The following EDEM3 variants were observed in gnomAD, a reference collection of about 807,000 sequenced individuals.
The protein encoded by EDEM3 is ER degradation-enhancing alpha-mannosidase-like protein 3.
EDEM3 carries 60 observed loss-of-function variants against 110.2 expected under a neutral mutation model. The observed-to-expected ratio is 0.54, with a 90% CI of 0.44 to 0.67. The LOEUF is 0.67. EDEM3 is among the 30% of genes least tolerant of loss of function. The pLI is 0.00. For synonymous variants in EDEM3, 352 were observed against 382.9 expected (o/e 0.92, Z 0.94); for missense variants, 996 against 1,121.0 (o/e 0.89, Z 1.59).
At chr1:184,702,385 G>A (rs1028780611) in intron 19 of EDEM3, among the ~76,000 whole-genome samples, 4 of 152,014 alleles carry the variant, frequency 2.6e-5, no homozygotes, top group African/African-American at 9.7e-5. Context: ...TTGATTATAG[G>A]TGGCCTGTTG....
At chr1:184,751,389 T>A (rs755506115) in intron 1 of EDEM3, among the ~76,000 whole-genome samples, 10 of 152,112 alleles carry the variant, frequency 6.6e-5, no homozygotes, top group Admixed American at 2.0e-4. Context: ...TAGACATGTA[T>A]ATTACAAATG....
Position 184,711,881 on chromosome 1 carries a change from C to T in EDEM3, c.1537-4G>A, listed in dbSNP as rs376567101. On this transcript the variant is annotated splice_polypyrimidine_tract_variant and splice_region_variant and intron_variant, in intron 14 of 19. Coordinates refer to ENST00000318130, the MANE Select transcript of EDEM3 (RefSeq NM_025191.4). Reference sequence around the variant, plus strand: ...CCAGTTCTGTATATTCCGAGGTCTACAAGAGAAAAACATTTTATGTAAACA... The same window carrying T: ...CCAGTTCTGTATATTCCGAGGTCTATAAGAGAAAAACATTTTATGTAAACA... The T allele has an allele frequency of 1.6e-5, 25 of 1,576,896 alleles. No homozygotes were observed. The highest frequency in any genetic ancestry group is 4.8e-5 in the South Asian group (4 of 83,814).
intron 4 of EDEM3, among the ~76,000 whole-genome samples, chr1:184,735,811 A>G (rs1018039547): frequency 6.6e-6 from 1 of 152,164 alleles, no homozygotes; most frequent in African/African-American, 2.4e-5. Context: ...CTGTTCCACT[A>G]TCCCCACCCT....
chr1:184,749,478 C>T, intron 2 of EDEM3, 69 bp downstream of exon 2: 1 of 1,208,528 alleles, frequency 8.3e-7, no homozygotes, highest in Non-Finnish European at 1.2e-6. Context: ...TTTCAAAATT[C>T]CCAGTTGACT....
intron 16 of EDEM3, among the ~76,000 whole-genome samples, 169 bp from the exon 17 acceptor site, chr1:184,708,513 G>GA (rs1650056630): frequency 6.6e-6 from 1 of 152,062 alleles, no homozygotes; most frequent in Non-Finnish European, 1.5e-5. Flanking sequence ...AATACTTTCA[G>GA]AAATAGTATT....
chr1:184,729,217 T>C (rs1354352994), intron 6 of EDEM3, among the ~76,000 whole-genome samples: 1 of 152,184 alleles, frequency 6.6e-6, no homozygotes, highest in African/African-American at 2.4e-5. Context: ...TGAGGCAATC[T>C]AGAATCTGGT....
intron 8 of EDEM3, 34 bp downstream of exon 8, chr1:184,723,717 C>T (rs377481117): frequency 1.4e-5 from 20 of 1,473,994 alleles, no homozygotes; most frequent in Non-Finnish European, 1.8e-5. Flanking sequence ...TTTGAGGATG[C>T]AAAGGCTTGA....
At position 184,702,851 on chromosome 1, in the gene EDEM3, C is replaced by T; in HGVS notation, c.2349G>A (p.Glu783=). ...TATCAGAGAGGAGCACTTCTACCTC[C>T]TCATATTCCCGGATGGCATCCAGTA... ...SIILDAIREY[E]EVEVLLSDKA... Residue 783 remains glutamate (E), a synonymous_variant, in exon 19 of 20, where the codon GAG becomes GAA. Coordinates refer to ENST00000318130, the MANE Select transcript of EDEM3 (RefSeq NM_025191.4). 1 of 1,611,762 alleles carries T rather than the reference C, an allele frequency of 6.2e-7. No individual in the cohort carries two copies.
At chr1:184,713,938 C>T (rs1201655498) in intron 13 of EDEM3, among the ~76,000 whole-genome samples, 1 of 152,228 alleles carries the variant, frequency 6.6e-6, no homozygotes, top group Admixed American at 6.5e-5. Flanking sequence ...TTCCTACATA[C>T]ACATGATTTT....
chr1:184,736,706 C>T lies in EDEM3; in HGVS notation c.345+319G>A, dbSNP rs1407624183. On this transcript the variant is annotated intron_variant, in intron 4 of 19. Coordinates refer to ENST00000318130, the MANE Select transcript of EDEM3 (RefSeq NM_025191.4). ...ATTTTGGCATGTCATTATGGAACAA[C>T]ATCAATGATATTTTCTAAAGTTACT... Among the ~76,000 whole-genome samples, 6 of 152,230 alleles carry T rather than the reference C, an allele frequency of 3.9e-5. No individual in the cohort carries two copies. In the East Asian group the frequency reaches 1.2e-3, roughly 29 times the overall value.
intron 1 of EDEM3, among the ~76,000 whole-genome samples, chr1:184,752,381 A>G (rs1465591925): frequency 2.0e-5 from 3 of 152,236 alleles, no homozygotes; most frequent in Non-Finnish European, 4.4e-5. Context: ...AAAAATGCAC[A>G]GGTAAACCTA....
At chr1:184,717,141 A>T (rs1483539505) in intron 12 of EDEM3, 129 bp from the exon 13 acceptor site, 1 of 656,988 alleles carries the variant, frequency 1.5e-6, no homozygotes, top group African/African-American at 1.9e-5. Flanking sequence ...AGGACATTAT[A>T]TAGAACTGAG....
At chr1:184,742,291 G>A (rs1244259146) in intron 2 of EDEM3, among the ~76,000 whole-genome samples, 5 of 152,250 alleles carry the variant, frequency 3.3e-5, no homozygotes, top group South Asian at 2.1e-4. Context: ...GAGGATTCTA[G>A]GCAACACATG....
rs1158050095 is a variant in EDEM3, at chr1:184,711,756, A to T, written c.1658T>A (p.Val553Glu). ...QSIREPLKNVVDKSCPRGIIR... is the reference protein window; with the variant it reads ...QSIREPLKNVEDKSCPRGIIR... ...GATGCCTCTAGGACAGCTCTTATCC[A>T]CCACATTTTTCAAGGGCTCACGAAT... Residue 553 changes from valine (V) to glutamate (E), a missense_variant, in exon 15 of 20, where the codon GTG becomes GAG. By Grantham distance (121) the Val-to-Glu change is moderately radical. Around this residue, in one of 5 missense-constraint regions of EDEM3, gnomAD observed 138 missense variants for 124.3 expected, o/e 1.11. Coordinates refer to ENST00000318130, the MANE Select transcript of EDEM3 (RefSeq NM_025191.4). 6.2e-7 allele frequency: 1 copy of T among 1,612,994 alleles called. No homozygotes were observed. Among genetic ancestry groups the T allele is most frequent in the East Asian group, 2.2e-5 (1 of 44,806 alleles).
rs553163517 is a variant in EDEM3, at chr1:184,701,711, G to T, written c.2389+1100C>A. 5.9e-5 allele frequency among the ~76,000 whole-genome samples: 9 copies of T among 152,066 alleles called. No homozygotes were observed. In the South Asian group the frequency reaches 1.2e-3, roughly 21 times the overall value. ...GGAAAAAAAAATCAGGTATACAGAG[G>T]ATTTAAGACTAGAAAACCTTTGTAT... On this transcript the variant is annotated intron_variant, in intron 19 of 19. Transcript: ENST00000318130.
intron 2 of EDEM3, among the ~76,000 whole-genome samples, chr1:184,742,633 C>A (rs1652205705): frequency 6.6e-6 from 1 of 152,236 alleles, no homozygotes; most frequent in Non-Finnish European, 1.5e-5. Context: ...AGGTGATCCA[C>A]CTGCCTCGGC....
chr1:184,691,595 T>C lies in EDEM3; in HGVS notation c.*2468A>G, dbSNP rs1305393023. The C allele has an allele frequency of 2.7e-5, 4 of 147,580 alleles. No homozygotes were observed. Among genetic ancestry groups the C allele is most frequent in the East Asian group, 4.0e-4 (2 of 5,056 alleles). The allele number at this position is 147,580 out of a possible 1,614,324, so 9.1% of individuals were successfully genotyped here. A position where few individuals can be genotyped will look rare whatever the true frequency, so the allele number is the denominator to read the frequency against. On this transcript the variant is annotated 3_prime_UTR_variant, in exon 20 of 20. Transcript: ENST00000318130. ...CTTTAGCAAGTTACTAAAATGTCTATAAAAGTTAACTAAAAAACAAAACAC... is the reference window on the plus strand; with the variant it reads ...CTTTAGCAAGTTACTAAAATGTCTACAAAAGTTAACTAAAAAACAAAACAC...
chr1:184,708,360 A>G lies in EDEM3; in HGVS notation c.1846-16T>C, dbSNP rs928284474. On this transcript the variant is annotated splice_polypyrimidine_tract_variant and intron_variant, in intron 16 of 19. Coordinates refer to ENST00000318130, the MANE Select transcript of EDEM3 (RefSeq NM_025191.4). ...AACTAGCAGCCTATGAAAAAAACAA[A>G]TTCATTTTATCCTTCCTTTCTGGAA... The G allele has an allele frequency of 6.2e-7, 1 of 1,609,366 alleles. No individual in the cohort carries two copies. Among genetic ancestry groups the G allele is most frequent in the Non-Finnish European group, 8.5e-7 (1 of 1,178,802 alleles).
chr1:184,709,875 A>G (rs1650131455), intron 16 of EDEM3, among the ~76,000 whole-genome samples: 1 of 152,178 alleles, frequency 6.6e-6, no homozygotes, highest in South Asian at 2.1e-4. Context: ...AATAAGGTAA[A>G]TAATTTAAAA....
Sources: gnomAD v4.1 joint callset for allele counts (sites outside exome capture counted in the v4.1 genomes callset) on GRCh38, gnomAD v4.1.1 for gene constraint, gnomAD v4.1.1 regional missense constraint, MANE v1.5 for transcripts, NCBI Gene and HGNC (gene_info 2026-07-23, HGNC 2026-07-21) for gene names.